The following TDRD12 variants were observed in gnomAD, a reference collection of about 807,000 sequenced individuals.
TDRD12 encodes putative ATP-dependent RNA helicase TDRD12.
Under a neutral mutation model 133.5 loss-of-function variants are expected in TDRD12, and 158 were observed. The observed-to-expected ratio is 1.18, with a 90% confidence interval of 1.04 to 1.35. The LOEUF is 1.35. Ranked by LOEUF, TDRD12 falls within the 40% of genes most tolerant of loss-of-function variation. The pLI, the probability that TDRD12 is intolerant of heterozygous loss-of-function variation, is 0.00. For synonymous variants in TDRD12, 460 were observed against 477.9 expected (o/e 0.96, Z 0.49); for missense variants, 1,443 against 1,321.3 (o/e 1.09, Z -1.43).
intron 11 of TDRD12, among the ~76,000 whole-genome samples, chr19:32,780,169 C>T (rs1365384342): frequency 2.0e-5 from 3 of 151,516 alleles, no homozygotes; most frequent in East Asian, 3.9e-4. Context: ...CTGCAACCTC[C>T]GCCTCTCGGG....
intron 18 of TDRD12, among the ~76,000 whole-genome samples, 193 bp downstream of exon 18, chr19:32,800,965 G>GT (rs1032572471): frequency 3.3e-5 from 5 of 151,428 alleles, no homozygotes; most frequent in Admixed American, 2.0e-4. Flanking sequence ...GAGGAGCCAG[G>GT]TGCGGGGGCA....
chr19:32,737,540 AT>A (rs1969261142), intron 2 of TDRD12, among the ~76,000 whole-genome samples: 1 of 150,558 alleles, frequency 6.6e-6, no homozygotes, highest in East Asian at 2.0e-4. Flanking sequence ...TATTACTGTT[AT>A]TTTTTTGAGA....
chr19:32,800,824 CTCAA>C, intron 18 of TDRD12, 52 bp downstream of exon 18: 1 of 1,459,940 alleles, frequency 6.8e-7, no homozygotes, highest in East Asian at 2.6e-5. Context: ...CTGGTCGAAT[CTCAA>C]GTCATCACAA....
At chr19:32,826,083 CT>C, downstream of TDRD12, 1 of 1,534,844 alleles carries the variant, frequency 6.5e-7, no homozygotes. Flanking sequence ...AAAATATGAC[CT>C]TGATTTTGTG....
chr19:32,727,401 C>T (rs1968895464), intron 1 of TDRD12, among the ~76,000 whole-genome samples: 3 of 152,010 alleles, frequency 2.0e-5, no homozygotes, highest in Non-Finnish European at 2.9e-5. Flanking sequence ...AAATATTTTC[C>T]CCCATTCCAT....
At chr19:32,816,574 G>C (rs1967188624) in intron 26 of TDRD12, among the ~76,000 whole-genome samples, 1 of 152,150 alleles carries the variant, frequency 6.6e-6, no homozygotes. Flanking sequence ...GGTACTTCAG[G>C]TAATGGCGCT....
At chr19:32,820,613 C>G (rs1967346714) in intron 27 of TDRD12, among the ~76,000 whole-genome samples, 1 of 152,118 alleles carries the variant, frequency 6.6e-6, no homozygotes, top group Non-Finnish European at 1.5e-5. Flanking sequence ...GCATAGAAGG[C>G]AATAATTTCT....
chr19:32,719,882 C>T, exon 1 of TDRD12: 1 of 659,220 alleles, frequency 1.5e-6, no homozygotes, highest in Non-Finnish European at 2.6e-6. Context: ...TCGAGCCGAC[C>T]CCGGGGTCCG....
chr19:32,746,949 A>AGAGG (rs1969664183), intron 4 of TDRD12, among the ~76,000 whole-genome samples: 1 of 121,608 alleles, frequency 8.2e-6, no homozygotes, highest in East Asian at 2.8e-4. Flanking sequence ...AGAGAGAGAG[A>AGAGG]GGGGGAGAGA....
intron 27 of TDRD12, among the ~76,000 whole-genome samples, chr19:32,818,457 G>A (rs193218003): frequency 1.5e-3 from 230 of 152,326 alleles, no homozygotes; most frequent in Middle Eastern, 3.4e-3. Context: ...AAGATGGTTC[G>A]TGGCTACTGT....
At chr19:32,813,984 C>T (rs372165282) in intron 25 of TDRD12, among the ~76,000 whole-genome samples, 3 of 152,178 alleles carry the variant, frequency 2.0e-5, no homozygotes, top group East Asian at 3.8e-4. Flanking sequence ...TACATTGTAA[C>T]CCCAGCGCAC....
chr19:32,721,425 G>C (rs1968659464), intron 1 of TDRD12, among the ~76,000 whole-genome samples: 1 of 151,972 alleles, frequency 6.6e-6, no homozygotes, highest in South Asian at 2.1e-4. Flanking sequence ...CGCTCTTGTT[G>C]TCTAGGCTGG....
At chr19:32,798,050 G>A (rs529774033) in intron 15 of TDRD12, among the ~76,000 whole-genome samples, 159 bp downstream of exon 15, 2 of 152,314 alleles carry the variant, frequency 1.3e-5, no homozygotes, top group South Asian at 2.1e-4. Flanking sequence ...GTCAGCTCCC[G>A]ACGGTTTTGA....
chr19:32,820,156 A>G (rs1178591813), intron 27 of TDRD12, among the ~76,000 whole-genome samples: 2 of 152,126 alleles, frequency 1.3e-5, no homozygotes, highest in East Asian at 1.9e-4. Flanking sequence ...GAATCTGGAA[A>G]GTGCCACACT....
chr19:32,721,706 A>ATTTTATTTTT (rs1555756654), intron 1 of TDRD12, among the ~76,000 whole-genome samples: 22 of 136,552 alleles, frequency 1.6e-4, no homozygotes, highest in South Asian at 4.5e-4. Flanking sequence ...ATTTTATTTT[A>ATTTTATTTTT]TTTTATTTTA....
exon 20 of TDRD12, chr19:32,802,738 A>C (rs1971436202): frequency 2.6e-6 from 4 of 1,536,404 alleles, no homozygotes; most frequent in Non-Finnish European, 3.5e-6. Context: ...CCTCACCAAA[A>C]GTTTTTGGTG....
intron 13 of TDRD12, among the ~76,000 whole-genome samples, chr19:32,791,498 TAAAAA>T (rs966466836): frequency 6.6e-6 from 1 of 151,946 alleles, no homozygotes; most frequent in African/African-American, 2.4e-5. Context: ...TAAAAAAAGT[TAAAAA>T]AAAATTTTTT....
At chr19:32,750,398 T>C (rs1442990250) in intron 6 of TDRD12, among the ~76,000 whole-genome samples, 1 of 152,154 alleles carries the variant, frequency 6.6e-6, no homozygotes, top group Non-Finnish European at 1.5e-5. Context: ...CCAGGGCTGC[T>C]CAGAGCCCAT....
exon 28 of TDRD12, chr19:32,821,091 G>A (rs1209543199): frequency 1.3e-6 from 2 of 1,536,032 alleles, no homozygotes; most frequent in Non-Finnish European, 1.7e-6. Context: ...GGACACGGGT[G>A]CAGAAGGAGG....
Sources: allele counts gnomAD v4.1 joint callset (sites outside exome capture counted in the v4.1 genomes callset), GRCh38; gene constraint gnomAD v4.1.1; transcripts MANE v1.5; gene names NCBI Gene and HGNC (gene_info 2026-07-23, HGNC 2026-07-21).